Variants in COL1A1 observed in about 807,000 individuals in gnomAD.
COL1A1 encodes collagen type I alpha 1 chain.
A neutral mutation model predicts 195.7 loss-of-function variants in COL1A1; 21 were observed. The ratio of observed to expected loss-of-function variants is 0.11; its 90% confidence interval spans 0.08 to 0.15. The LOEUF is 0.15. Ranked by LOEUF, COL1A1 falls within the 10% of genes least tolerant of loss-of-function variation. COL1A1 has a pLI of 1.00. For missense variants in COL1A1, 1,365 were observed against 2,051.0 expected (o/e 0.67, Z 6.46); for synonymous variants, 749 against 747.3 (o/e 1.00, Z -0.04).
At position 50,188,111 on chromosome 17, in the gene COL1A1, G is replaced by A. The variant is rs772906802; in HGVS notation, c.3246C>T (p.Gly1082=). 9 of 1,583,926 alleles carry A rather than the reference G, an allele frequency of 5.7e-6. No individual in the cohort carries two copies. The highest frequency in any genetic ancestry group is 2.3e-5 in the East Asian group (1 of 43,386). ...GGGTACTTACGGCGGGGCCACGGGCGCCAACAGGGCCGACAGGACCGGCGG... is the reference window on the plus strand; with the variant it reads ...GGGTACTTACGGCGGGGCCACGGGCACCAACAGGGCCGACAGGACCGGCGG... The part of the protein sequence containing the change: ...AGPAGPVGPV[G]ARGPAGPQGP... Residue 1082 remains glycine, a synonymous_variant, in exon 44 of 51, where the codon GGC becomes GGT. Coordinates refer to ENST00000225964, the MANE Select transcript of COL1A1 (RefSeq NM_000088.4). This position sits in a 1 kb window ranked among gnomAD's most constrained non-coding sequence, Gnocchi z 5.6.
chr17:50,194,707 G>T lies in COL1A1; in HGVS notation c.1461+14C>A. On this transcript the variant is annotated intron_variant, in intron 21 of 50. Transcript: ENST00000225964. The surrounding 1 kb of genome is among the most constrained non-coding windows in gnomAD (Gnocchi z 6.8). ...ATGAGGGTGGAGCGGGAGGGGGCGG[G>T]CAGGGACACTTACACGCTCGCCAGG... The T allele has an allele frequency of 1.3e-6, 2 of 1,562,316 alleles. No homozygotes were observed. Among genetic ancestry groups the T allele is most frequent in the Non-Finnish European group, 1.7e-6 (2 of 1,152,720 alleles).
Position 50,186,986 on chromosome 17 carries a change from A to G in COL1A1, c.3531+29T>C, listed in dbSNP as rs146693714. ...CAAGTGCTTTGGGGGCTGGAGGGCCATGAGCAGAGGGGATGAGGGGCTACA... is the reference window on the plus strand; with the variant it reads ...CAAGTGCTTTGGGGGCTGGAGGGCCGTGAGCAGAGGGGATGAGGGGCTACA... On this transcript the variant is annotated intron_variant, in intron 47 of 50. Coordinates refer to ENST00000225964, the MANE Select transcript of COL1A1 (RefSeq NM_000088.4). This position sits in a 1 kb window ranked among gnomAD's most constrained non-coding sequence, Gnocchi z 5.3. The G allele has an allele frequency of 6.2e-7, 1 of 1,611,246 alleles. No homozygotes were observed. The highest frequency in any genetic ancestry group is 1.1e-5 in the South Asian group (1 of 90,990).
At chr17:50,192,952 G>T in intron 26 of COL1A1, 42 bp downstream of exon 26, 1 of 1,613,430 alleles carries the variant, frequency 6.2e-7, no homozygotes, top group Non-Finnish European at 8.5e-7. Flanking sequence ...AAGTGCCGGG[G>T]CAGCAATGGG....
intron 25 of COL1A1, 182 bp downstream of exon 25, chr17:50,193,761 A>G (rs139289956): frequency 3.1e-4 from 203 of 662,696 alleles, no homozygotes; most frequent in Non-Finnish European, 4.7e-4. Context: ...GATTACAGGC[A>G]TGAGCCACCG....
At position 50,190,884 on chromosome 17, in the gene COL1A1, T is replaced by G. The variant is rs370916785; in HGVS notation, c.2276A>C (p.Lys759Thr). The change falls in exon 33 of 51, where the codon AAA becomes ACA. Residue 759 changes from lysine (K) to threonine (T), a missense_variant. By Grantham distance (78) the Lys-to-Thr change is moderately conservative (BLOSUM62 -1). Coordinates refer to ENST00000225964, the MANE Select transcript of COL1A1 (RefSeq NM_000088.4). The surrounding 1 kb of genome is among the most constrained non-coding windows in gnomAD (Gnocchi z 4.7). The stretch of plus-strand genomic sequence containing the variant: ...GCCAGTCAGACCACGGACGCCATCT[T>G]TGCCAGGAGAGCCATCAGCACCTTT... ...GPKGADGSPG[K>T]DGVRGLTGPI... 2.5e-6 allele frequency: 4 copies of G among 1,613,772 alleles called. No individual in the cohort carries two copies. The African/African-American group carries it at 5.3e-5, about 22-fold the overall frequency.
At position 50,194,993 on chromosome 17, in the gene COL1A1, G is replaced by A. The variant is rs1390170128; in HGVS notation, c.1353+54C>T. 10 of 1,580,156 alleles carry A rather than the reference G, an allele frequency of 6.3e-6. No homozygotes were observed. The highest frequency in any genetic ancestry group is 1.8e-4 in the Middle Eastern group (1 of 5,646). Reference sequence around the variant, plus strand: ...TCTTCCTTTCTGGATTTCCCTCAGGGGGCTCCTAGGGCAGGGTGGGCTGGG... The same window carrying A: ...TCTTCCTTTCTGGATTTCCCTCAGGAGGCTCCTAGGGCAGGGTGGGCTGGG... On this transcript the variant is annotated intron_variant, in intron 20 of 50. Coordinates refer to ENST00000225964, the MANE Select transcript of COL1A1 (RefSeq NM_000088.4). The surrounding 1 kb of genome is among the most constrained non-coding windows in gnomAD (Gnocchi z 6.8).
chr17:50,189,067 G>T lies in COL1A1; in HGVS notation c.2938-57C>A. 1 of 1,564,024 alleles carries T rather than the reference G, an allele frequency of 6.4e-7. No homozygotes were observed. The highest frequency in any genetic ancestry group is 1.7e-5 in the Admixed American group (1 of 59,772). ...AGGGTCTGGGAGGACCCTTGAGTCC[G>T]CTGGAGTCATCTCTACCAAATCTGT... On this transcript the variant is annotated intron_variant, in intron 40 of 50. Coordinates refer to ENST00000225964, the MANE Select transcript of COL1A1 (RefSeq NM_000088.4). This position sits in a 1 kb window ranked among gnomAD's most constrained non-coding sequence, Gnocchi z 5.5.
chr17:50,199,698 A>AGCCCCAG lies in COL1A1; in HGVS notation c.298+48_298+54dup, dbSNP rs150854949. The AGCCCCAG allele has an allele frequency of 7.3e-5, 116 of 1,595,160 alleles. No homozygotes were observed. The African/African-American group carries it at 1.1e-3, about 15-fold the overall frequency. ...GCGAGCGCCGACCACCCCCAGCCCCAGCCCCAGGCCCCAGGCCCCAGGCCC... is the reference window on the plus strand; with the variant it reads ...GCGAGCGCCGACCACCCCCAGCCCCAGCCCCAGGCCCCAGGCCCCAGGCCCCAGGCCC... On this transcript the variant is annotated intron_variant, in intron 2 of 50. Transcript: ENST00000225964.
At position 50,192,817 on chromosome 17, in the gene COL1A1, G is replaced by T; in HGVS notation, c.1855C>A (p.Gln619Lys). ...PAGKDGEAGA[Q>K]GPPGPAGPAG... Reference sequence around the variant, plus strand: ...CTCACAGCAGGGCCAGGGGGTCCCTGAGCTCCAGCCTCTCCATCTTTGCCA... The same window carrying T: ...CTCACAGCAGGGCCAGGGGGTCCCTTAGCTCCAGCCTCTCCATCTTTGCCA... Residue 619 changes from glutamine (Q) to lysine (K), a missense_variant, in exon 27 of 51, where the codon CAG becomes AAG. This residue lies in a region of COL1A1 where 671 missense variants were observed against 1,099.9 expected (regional missense o/e 0.61). Coordinates refer to ENST00000225964, the MANE Select transcript of COL1A1 (RefSeq NM_000088.4). 6.2e-7 allele frequency: 1 copy of T among 1,614,064 alleles called. No individual in the cohort carries two copies. Among genetic ancestry groups the T allele is most frequent in the South Asian group, 1.1e-5 (1 of 91,070 alleles).
chr17:50,196,800 C>G (rs1907632290), intron 11 of COL1A1, 130 bp from the exon 12 acceptor site: 32 of 1,195,154 alleles, frequency 2.7e-5, no homozygotes, highest in Non-Finnish European at 3.9e-5. Context: ...CTAGACTAAA[C>G]CCCAACTGGC....
Position 50,201,583 on chromosome 17 carries a change from A to G in COL1A1, c.-70T>C. 7.1e-7 allele frequency: 1 copy of G among 1,401,344 alleles called. No homozygotes were observed. The highest frequency in any genetic ancestry group is 9.7e-7 in the Non-Finnish European group (1 of 1,029,656). 86.8% of individuals were successfully genotyped at this position (1,401,344 alleles called of 1,614,324 possible). ...TTAGCGTCCGCTCATGCGTGGCCTCACACTCCGCGTGCCTCCTGCTCCGAC... is the reference window on the plus strand; with the variant it reads ...TTAGCGTCCGCTCATGCGTGGCCTCGCACTCCGCGTGCCTCCTGCTCCGAC... On this transcript the variant is annotated 5_prime_UTR_variant, in exon 1 of 51. Coordinates refer to ENST00000225964, the MANE Select transcript of COL1A1 (RefSeq NM_000088.4).
chr17:50,192,950 G>C, intron 26 of COL1A1, 44 bp downstream of exon 26: 2 of 1,613,478 alleles, frequency 1.2e-6, no homozygotes, highest in Non-Finnish European at 1.7e-6. Flanking sequence ...GAAAGTGCCG[G>C]GGCAGCAATG....
rs1159294703 is a variant in COL1A1, at chr17:50,188,039, G to C, written c.3262-56C>G. The C allele has an allele frequency of 6.2e-7, 1 of 1,613,152 alleles. No individual in the cohort carries two copies. The highest frequency in any genetic ancestry group is 1.3e-5 in the African/African-American group (1 of 74,914). On this transcript the variant is annotated intron_variant, in intron 44 of 50. Coordinates refer to ENST00000225964, the MANE Select transcript of COL1A1 (RefSeq NM_000088.4). The surrounding 1 kb of genome is among the most constrained non-coding windows in gnomAD (Gnocchi z 5.6). ...CGGAAGTTCCATTGGCATCGAGTGG[G>C]GCACTGTCTGCATCTGTAGAGTTCT... is the stretch of plus-strand genomic sequence containing the variant.
chr17:50,184,315 G>A lies in COL1A1; in HGVS notation c.*1187C>T. 1 of 231,752 alleles carries A rather than the reference G, an allele frequency of 4.3e-6. No homozygotes were observed. Among genetic ancestry groups the A allele is most frequent in the Non-Finnish European group, 8.6e-6 (1 of 116,868 alleles). The allele number at this position is 231,752 out of a possible 1,614,324, so 14.4% of individuals were successfully genotyped here. A position where few individuals can be genotyped will look rare whatever the true frequency, so the allele number is the denominator to read the frequency against. On this transcript the variant is annotated 3_prime_UTR_variant, in exon 51 of 51. Coordinates refer to ENST00000225964, the MANE Select transcript of COL1A1 (RefSeq NM_000088.4). ...GCCGGGAGGATGGGCTGCAGCTGTG[G>A]AGGAGGGTTTCAGAGGAGAGAGGTC...
In COL1A1 at chr17:50,186,984, C is replaced by A. The variant is rs1272878685; in HGVS notation, c.3531+31G>T. On this transcript the variant is annotated intron_variant, in intron 47 of 50. Transcript: ENST00000225964. The surrounding 1 kb of genome is among the most constrained non-coding windows in gnomAD (Gnocchi z 5.3). ...TCCAAGTGCTTTGGGGGCTGGAGGG[C>A]CATGAGCAGAGGGGATGAGGGGCTA... 1.2e-6 allele frequency: 2 copies of A among 1,610,706 alleles called. No individual in the cohort carries two copies. Among genetic ancestry groups the A allele is most frequent in the Non-Finnish European group, 1.7e-6 (2 of 1,177,590 alleles).
chr17:50,186,945 G>A lies in COL1A1; in HGVS notation c.3532-23C>T, dbSNP rs770997235. 1.9e-6 allele frequency: 3 copies of A among 1,612,944 alleles called. No homozygotes were observed. ...ACCCTGCACAGAGAGGGAAGAGAGTGGGGATTACCGGCATCCAAGTGCTTT... is the reference window on the plus strand; with the variant it reads ...ACCCTGCACAGAGAGGGAAGAGAGTAGGGATTACCGGCATCCAAGTGCTTT... On this transcript the variant is annotated intron_variant, in intron 47 of 50. Coordinates refer to ENST00000225964, the MANE Select transcript of COL1A1 (RefSeq NM_000088.4). This position sits in a 1 kb window ranked among gnomAD's most constrained non-coding sequence, Gnocchi z 5.3.
At chr17:50,192,045 AACAG>A (rs751218214) in intron 29 of COL1A1, 21 bp from the exon 30 acceptor site, 19 of 1,610,392 alleles carry the variant, frequency 1.2e-5, no homozygotes, top group South Asian at 2.2e-5. Flanking sequence ...GGGAGAGAGG[AACAG>A]ACAGTGAGCA....
Position 50,194,778 on chromosome 17 carries a change from C to T in COL1A1, c.1404G>A (p.Lys468=), listed in dbSNP as rs1240489656. 5.1e-6 allele frequency: 8 copies of T among 1,574,190 alleles called. No homozygotes were observed. The highest frequency in any genetic ancestry group is 1.4e-5 in the African/African-American group (1 of 73,380). The change falls in exon 21 of 51, where the codon AAG becomes AAA. Residue 468 remains lysine (K), a synonymous_variant. Coordinates refer to ENST00000225964, the MANE Select transcript of COL1A1 (RefSeq NM_000088.4). This position sits in a 1 kb window ranked among gnomAD's most constrained non-coding sequence, Gnocchi z 6.8. ...GTCCGGGTTCACCTCGAGCTCCTCG[C>T]TTTCCTTCCTCTCCAGCAGGGCCAG... ...GPPGPAGEEG[K]RGARGEPGPT...
rs777283854 is a variant in COL1A1, at chr17:50,188,859, T to G, written c.3045+44A>C. On this transcript the variant is annotated intron_variant, in intron 41 of 50. Coordinates refer to ENST00000225964, the MANE Select transcript of COL1A1 (RefSeq NM_000088.4). The surrounding 1 kb of genome is among the most constrained non-coding windows in gnomAD (Gnocchi z 5.6). ...GAAGAGGGCTTAGGCAAGGCCACAATGGCCATGCTGAGGGTACTGGCATGG... is the reference window on the plus strand; with the variant it reads ...GAAGAGGGCTTAGGCAAGGCCACAAGGGCCATGCTGAGGGTACTGGCATGG... 1.9e-6 allele frequency: 3 copies of G among 1,590,950 alleles called. No individual in the cohort carries two copies. Among genetic ancestry groups the G allele is most frequent in the Non-Finnish European group, 2.6e-6 (3 of 1,159,616 alleles).
Sources: gnomAD v4.1 joint callset for allele counts on GRCh38, gnomAD v4.1.1 for gene constraint, gnomAD v4.1.1 regional missense constraint, Gnocchi (gnomAD v3.1) non-coding constraint, MANE v1.5 for transcripts, NCBI Gene and HGNC (gene_info 2026-07-23, HGNC 2026-07-21) for gene names.